Variants in MAP3K7CL observed in about 807,000 individuals in gnomAD.
MAP3K7CL encodes the protein MAP3K7 C-terminal like, also known as MAP3K7 C-terminal-like protein.
In MAP3K7CL, 16 loss-of-function variants were observed where a neutral mutation model predicts 18.6. The ratio of observed to expected loss-of-function variants is 0.86; its 90% confidence interval spans 0.58 to 1.31. The LOEUF is 1.31. Ranked by LOEUF, MAP3K7CL falls within the 50% of genes most tolerant of loss-of-function variation. MAP3K7CL has a pLI of 0.00. For missense variants in MAP3K7CL, 163 were observed against 174.4 expected (o/e 0.93, Z 0.37); for synonymous variants, 65 against 66.8 (o/e 0.97, Z 0.13).
upstream of MAP3K7CL, among the ~76,000 whole-genome samples, chr21:29,085,305 A>G (rs987877357): frequency 3.9e-4 from 59 of 152,214 alleles, no homozygotes; most frequent in African/African-American, 1.4e-3. Context: ...CTTGAGAAAC[A>G]TAATTGAGGC....
intron 2 of MAP3K7CL, among the ~76,000 whole-genome samples, chr21:29,135,514 A>G (rs1340658917): frequency 6.6e-6 from 1 of 152,186 alleles, no homozygotes. Context: ...AAATAAATGT[A>G]CTGTTCCCCT....
chr21:29,109,663 C>T (rs771457574), intron 4 of MAP3K7CL: 6 of 987,648 alleles, frequency 6.1e-6, no homozygotes, highest in Admixed American at 1.2e-4. Flanking sequence ...GATAATTACT[C>T]TGCATTTAGG....
At chr21:29,127,581 A>G (rs1015398892), upstream of MAP3K7CL, 3 of 152,212 alleles carry the variant, frequency 2.0e-5, no homozygotes, top group Non-Finnish European at 4.4e-5. Flanking sequence ...CCTTGAATTT[A>G]TGTTATCAGA....
chr21:29,113,699 T>G (rs577837221), intron 4 of MAP3K7CL, among the ~76,000 whole-genome samples: 1 of 152,256 alleles, frequency 6.6e-6, no homozygotes, highest in Non-Finnish European at 1.5e-5. Context: ...AATTTTTGTA[T>G]TTTTAGTAGA....
chr21:29,172,241 C>CTTTTTTTTTT (rs35612617), intron 4 of MAP3K7CL, among the ~76,000 whole-genome samples: 4 of 126,250 alleles, frequency 3.2e-5, no homozygotes, highest in East Asian at 2.3e-4. Context: ...TTGTCATTTT[C>CTTTTTTTTTT]TTTTTTTTTT....
upstream of MAP3K7CL, among the ~76,000 whole-genome samples, chr21:29,126,396 G>A (rs190460071): frequency 3.1e-4 from 47 of 152,330 alleles, no homozygotes; most frequent in Middle Eastern, 0.014. Context: ...GAGATGAGTA[G>A]TTGTGACAGA....
At chr21:29,139,907 T>G (rs1041668949) in intron 2 of MAP3K7CL, among the ~76,000 whole-genome samples, 11 of 141,360 alleles carry the variant, frequency 7.8e-5, no homozygotes, top group African/African-American at 3.3e-4. Flanking sequence ...TTTTTTTTTT[T>G]TTTTTTTTTT....
At position 29,174,845 on chromosome 21, in the gene MAP3K7CL, C is replaced by G; in HGVS notation, c.382C>G (p.Leu128Val). The change falls in exon 5 of 5, where the codon CTG becomes GTG. Residue 128 changes from leucine to valine, a missense_variant. Coordinates refer to ENST00000399928, the MANE Select transcript of MAP3K7CL (RefSeq NM_001286620.2). ...GGCCCAGTCTCAATGTGTGGAACAA[C>G]TGGAGAAACTTCGAATACAGTATCA... is the stretch of plus-strand genomic sequence containing the variant. ...RLAQSQCVEQ[L>V]EKLRIQYQKR... 1.2e-6 allele frequency: 2 copies of G among 1,614,120 alleles called. No individual in the cohort carries two copies. Among genetic ancestry groups the G allele is most frequent in the Non-Finnish European group, 1.7e-6 (2 of 1,180,014 alleles).
intron 3 of MAP3K7CL, chr21:29,092,293 C>T: frequency 4.9e-6 from 3 of 611,282 alleles, no homozygotes; most frequent in Non-Finnish European, 7.4e-6. Context: ...AGAAACCTTT[C>T]CAGATTTAAA....
intron 2 of MAP3K7CL, among the ~76,000 whole-genome samples, chr21:29,147,949 CTATT>C (rs1170451295): frequency 2.6e-5 from 4 of 150,946 alleles, no homozygotes; most frequent in East Asian, 2.0e-4. Context: ...TACTGTATCT[CTATT>C]ATATATTATA....
At chr21:29,172,404 T>C (rs1466497383) in intron 4 of MAP3K7CL, among the ~76,000 whole-genome samples, 1 of 152,348 alleles carries the variant, frequency 6.6e-6, no homozygotes, top group East Asian at 1.9e-4. Flanking sequence ...AAATGATGTG[T>C]GTTTCACAGT....
chr21:29,118,636 G>T (rs1022465196), intron 4 of MAP3K7CL, among the ~76,000 whole-genome samples: 4 of 152,220 alleles, frequency 2.6e-5, no homozygotes, highest in Admixed American at 2.6e-4. Context: ...GCCTTGATCT[G>T]TGAAGGCACA....
intron 4 of MAP3K7CL, among the ~76,000 whole-genome samples, chr21:29,161,271 C>T (rs890266606): frequency 6.6e-6 from 1 of 152,086 alleles, no homozygotes; most frequent in Non-Finnish European, 1.5e-5. Context: ...GATCACGTGC[C>T]ACTATACTTC....
intron 1 of MAP3K7CL, among the ~76,000 whole-genome samples, chr21:29,090,391 T>G (rs1166271276): frequency 6.6e-6 from 1 of 152,078 alleles, no homozygotes; most frequent in Non-Finnish European, 1.5e-5. Flanking sequence ...TTTTGTTGTT[T>G]TTTTTTTGAG....
At chr21:29,095,237 A>G (rs896122268) in intron 4 of MAP3K7CL, among the ~76,000 whole-genome samples, 1 of 151,516 alleles carries the variant, frequency 6.6e-6, no homozygotes, top group Non-Finnish European at 1.5e-5. Flanking sequence ...AGGTGTCTCT[A>G]TTCAGAGGCT....
intron 1 of MAP3K7CL, among the ~76,000 whole-genome samples, chr21:29,086,444 A>G (rs2085927412): frequency 6.6e-6 from 1 of 152,176 alleles, no homozygotes; most frequent in South Asian, 2.1e-4. Context: ...TGGAAAACAG[A>G]AAGTCCGCTT....
At position 29,160,015 on chromosome 21, in the gene MAP3K7CL, C is replaced by A; in HGVS notation, c.207C>A (p.Tyr69Ter). 6.2e-7 allele frequency: 1 copy of A among 1,613,926 alleles called. No individual in the cohort carries two copies. The highest frequency in any genetic ancestry group is 8.5e-7 in the Non-Finnish European group (1 of 1,179,926). ...FKQHCQIAEE[Y>*]HEVKKEITLL... ...AGCACTGCCAAATAGCAGAAGAATA[C>A]CATGAGGTCAAAAAGGAAATCACCC... is the stretch of plus-strand genomic sequence containing the variant. Residue 69 changes from tyrosine (Y) to a stop codon, truncating the protein, a stop_gained, in exon 4 of 5, where the codon TAC becomes TAA. Coordinates refer to ENST00000399928, the MANE Select transcript of MAP3K7CL (RefSeq NM_001286620.2). LOFTEE classifies it high-confidence loss of function.
intron 3 of MAP3K7CL, among the ~76,000 whole-genome samples, chr21:29,158,069 G>T (rs1351426007): frequency 6.9e-6 from 1 of 145,000 alleles, no homozygotes; most frequent in Non-Finnish European, 1.5e-5. Context: ...GATCTGATGT[G>T]TAGAGTCTTA....
intron 3 of MAP3K7CL, among the ~76,000 whole-genome samples, chr21:29,149,990 T>TA: frequency 6.6e-6 from 1 of 152,322 alleles, no homozygotes; most frequent in South Asian, 2.1e-4. Context: ...GCAAGTCCAA[T>TA]AGGGGTCTTG....
Sources: allele counts gnomAD v4.1 joint callset (sites outside exome capture counted in the v4.1 genomes callset), GRCh38; gene constraint gnomAD v4.1.1; transcripts MANE v1.5; gene names NCBI Gene and HGNC (gene_info 2026-07-23, HGNC 2026-07-21).